KLF8: variants seen among roughly 807,000 people sequenced by gnomAD.
KLF8 encodes the protein Krueppel-like factor 8.
KLF8 carries 10 observed loss-of-function variants against 18.2 expected under a neutral mutation model. The ratio of observed to expected loss-of-function variants is 0.55; its 90% confidence interval spans 0.34 to 0.93. The LOEUF is 0.93. KLF8 is among the 40% of genes least tolerant of loss of function. KLF8 has a pLI of 0.02. For missense variants in KLF8, 264 were observed against 277.9 expected, an observed-to-expected ratio of 0.95 and a Z score of 0.36; for synonymous variants, 109 against 97.3, an observed-to-expected ratio of 1.12 and a Z score of -0.71.
the KLF8 span, among the ~76,000 whole-genome samples, chrX:56,152,358 C>G: frequency 9.0e-6 from 1 of 110,829 alleles, no homozygotes; most frequent in East Asian, 2.9e-4. Context: ...AGGCCTTGGA[C>G]CTAAGCCCTG....
Position 56,287,632 on chromosome X carries a change from A to G in KLF8, c.*3138A>G, listed in dbSNP as rs1483974969. On this transcript the variant is annotated 3_prime_UTR_variant, in exon 6 of 6. Transcript: ENST00000468660. ...ATTATAGTAAAATTTAGGAAAAACT[A>G]TGAGTGTGAAGAGTATGAACTGATT... The G allele has an allele frequency of 8.9e-6, 1 of 112,124 alleles. No homozygotes were observed. The highest frequency in any genetic ancestry group is 1.9e-5 in the Non-Finnish European group (1 of 53,269). 9.2% of individuals were successfully genotyped at this position (112,124 alleles called of 1,213,427 possible).
At chrX:56,199,974 C>T in the KLF8 span, among the ~76,000 whole-genome samples, 5 of 111,160 alleles carry the variant, frequency 4.5e-5, no homozygotes, top group Non-Finnish European at 7.5e-5. Context: ...AGGAAACTAT[C>T]GCAAGGACAA....
chrX:56,261,278 C>T (rs2066879904), intron 2 of KLF8, among the ~76,000 whole-genome samples: 2 of 111,607 alleles, frequency 1.8e-5, no homozygotes, highest in African/African-American at 6.5e-5. Context: ...CTTCAAACCA[C>T]CCCTAAGTTT....
At chrX:56,060,026 C>T in the KLF8 span, among the ~76,000 whole-genome samples, 1 of 111,321 alleles carries the variant, frequency 9.0e-6, no homozygotes, top group South Asian at 3.8e-4. Flanking sequence ...TCCCTTACTT[C>T]CTTGAGCAGT....
In KLF8 at chrX:56,265,715, T is replaced by C. The variant is rs1359243793; in HGVS notation, c.617T>C (p.Ile206Thr). 1.2e-5 allele frequency: 15 copies of C among 1,203,197 alleles called. No individual in the cohort carries two copies. The highest frequency in any genetic ancestry group is 1.7e-5 in the Non-Finnish European group (15 of 893,334). Residue 206 changes from isoleucine (I) to threonine (T), a missense_variant, in exon 3 of 6, where the codon ATT becomes ACT. Transcript: ENST00000468660. The stretch of plus-strand genomic sequence containing the variant: ...CCTGCAGCCATTACAGTCCCACTCA[T>C]TGGAGGAGATGGTAAAAATGCTGGA... The part of the protein sequence containing the change: ...GGPAAITVPL[I>T]GGDGKNAGSV...
At chrX:56,081,342 GTTTGA>G in the KLF8 span, among the ~76,000 whole-genome samples, 3 of 111,948 alleles carry the variant, frequency 2.7e-5, no homozygotes, top group African/African-American at 9.7e-5. Context: ...TGTCCTTTCT[GTTTGA>G]TTTGATTTAT....
At chrX:55,997,589 C>T in the KLF8 span, among the ~76,000 whole-genome samples, 155 of 111,855 alleles carry the variant, frequency 1.4e-3, 1 homozygote, top group African/African-American at 4.6e-3. Flanking sequence ...TCTGTGTCCT[C>T]CCTCTGTCCA....
At chrX:55,952,841 C>T in the KLF8 span, among the ~76,000 whole-genome samples, 2 of 111,611 alleles carry the variant, frequency 1.8e-5, no homozygotes, top group Admixed American at 1.9e-4. Flanking sequence ...TTATTGTGGG[C>T]CAGGCCCTGT....
the KLF8 span, among the ~76,000 whole-genome samples, chrX:55,966,582 C>A: frequency 8.9e-6 from 1 of 112,184 alleles, no homozygotes; most frequent in Non-Finnish European, 1.9e-5. Flanking sequence ...GCAGATATGT[C>A]TGCAGTGACC....
chrX:55,924,430 AC>A, the KLF8 span, among the ~76,000 whole-genome samples: 158 of 110,914 alleles, frequency 1.4e-3, 1 homozygote, highest in African/African-American at 5.0e-3. Context: ...CTTAAATGTG[AC>A]AGTTTATGAC....
At chrX:56,033,380 T>C in the KLF8 span, among the ~76,000 whole-genome samples, 1 of 112,090 alleles carries the variant, frequency 8.9e-6, no homozygotes, top group Non-Finnish European at 1.9e-5. Flanking sequence ...TGTTACTCCA[T>C]TGTGTATACA....
intron 5 of KLF8, 26 bp downstream of exon 5, chrX:56,270,347 AACACACAC>A (rs370151924): frequency 2.4e-3 from 1,546 of 651,170 alleles, no homozygotes; most frequent in Non-Finnish European, 2.8e-3. Flanking sequence ...TCTCACCCCC[AACACACAC>A]ACACACACAC....
At chrX:56,176,297 G>T in the KLF8 span, among the ~76,000 whole-genome samples, 1 of 111,704 alleles carries the variant, frequency 9.0e-6, no homozygotes, top group African/African-American at 3.3e-5. Flanking sequence ...GGGCAGGCCC[G>T]GTGGTGACAA....
chrX:56,041,326 G>A, the KLF8 span, among the ~76,000 whole-genome samples: 2 of 110,978 alleles, frequency 1.8e-5, no homozygotes, highest in African/African-American at 6.6e-5. Context: ...GTTTCACCAT[G>A]TTGGCCAGCC....
At chrX:56,187,703 G>T in the KLF8 span, among the ~76,000 whole-genome samples, 1 of 110,760 alleles carries the variant, frequency 9.0e-6, no homozygotes, top group Admixed American at 9.6e-5. Flanking sequence ...TCCCTGGGAT[G>T]CAAGGCTGAT....
the KLF8 span, among the ~76,000 whole-genome samples, chrX:56,147,612 G>A: frequency 8.9e-6 from 1 of 112,037 alleles, no homozygotes; most frequent in Non-Finnish European, 1.9e-5. Flanking sequence ...CCAGTGGGTG[G>A]GGTTAGAGAA....
At chrX:56,091,605 T>G in the KLF8 span, among the ~76,000 whole-genome samples, 2 of 111,201 alleles carry the variant, frequency 1.8e-5, no homozygotes, top group African/African-American at 6.5e-5. Context: ...CAAGCAAATC[T>G]CCTGCCTCAG....
rs2067252096 is a variant in KLF8, at chrX:56,284,908, CT to C, written c.*415del. 1 of 120,699 alleles carries C rather than the reference CT, an allele frequency of 8.3e-6. No individual in the cohort carries two copies. Among genetic ancestry groups the C allele is most frequent in the Non-Finnish European group, 1.7e-5 (1 of 59,464 alleles). 9.9% of individuals were successfully genotyped at this position (120,699 alleles called of 1,213,427 possible). On this transcript the variant is annotated 3_prime_UTR_variant, in exon 6 of 6. Coordinates refer to ENST00000468660, the MANE Select transcript of KLF8 (RefSeq NM_007250.5). ...ATCCATATGTTTTTAAAATAAGTAC[CT>C]AAAAGTGGTTTGATAGTGTCCTAAA...
chrX:56,246,036 G>A (rs902109993), intron 1 of KLF8, among the ~76,000 whole-genome samples: 2 of 111,829 alleles, frequency 1.8e-5, no homozygotes, highest in Non-Finnish European at 3.8e-5. Flanking sequence ...TATTTAGAAG[G>A]TTGACCAGGA....
Sources: allele counts gnomAD v4.1 joint callset (sites outside exome capture counted in the v4.1 genomes callset), GRCh38; gene constraint gnomAD v4.1.1; transcripts MANE v1.5; gene names NCBI Gene and HGNC (gene_info 2026-07-23, HGNC 2026-07-21).